AQP1: variants seen among roughly 807,000 people sequenced by gnomAD.
AQP1 encodes aquaporin-1.
A neutral mutation model predicts 19.7 loss-of-function variants in AQP1; 11 were observed. That is an observed-to-expected ratio of 0.56 (90% CI 0.35 to 0.92). AQP1 has a LOEUF of 0.92. Among genes scored for constraint, AQP1 ranks in the 40% least tolerant of loss-of-function variants. AQP1 has a pLI of 0.01. For synonymous variants in AQP1, 159 were observed against 166.7 expected (o/e 0.95, Z 0.36); for missense variants, 320 against 369.7 (o/e 0.87, Z 1.10).
chr7:30,924,163 C>G lies in AQP1; in HGVS notation c.*534C>G, dbSNP rs1243314680. On this transcript the variant is annotated 3_prime_UTR_variant, in exon 4 of 4. Coordinates refer to ENST00000311813, the MANE Select transcript of AQP1 (RefSeq NM_198098.4). ...CTTGCTCCCAAGCCCCTGACCCGCT[C>G]GGACTTACTGCCTGACCTTGGAATC... 25 of 1,158,882 alleles carry G rather than the reference C, an allele frequency of 2.2e-5. No individual in the cohort carries two copies. The East Asian group carries it at 1.4e-3, about 65-fold the overall frequency. 71.8% of individuals were successfully genotyped at this position (1,158,882 alleles called of 1,614,324 possible).
At chr7:30,918,980 G>A (rs1271669542) in intron 1 of AQP1, among the ~76,000 whole-genome samples, 3 of 152,188 alleles carry the variant, frequency 2.0e-5, no homozygotes, top group Admixed American at 6.5e-5. Flanking sequence ...CTGAGCCATC[G>A]CACAGGCTGC....
chr7:30,922,741 G>A, intron 3 of AQP1, 97 bp downstream of exon 3: 1 of 1,266,462 alleles, frequency 7.9e-7, no homozygotes, highest in Admixed American at 1.7e-5. Context: ...GGAGGCTCTG[G>A]GAGACAGCCA....
intron 1 of AQP1, among the ~76,000 whole-genome samples, chr7:30,914,914 C>A (rs570818791): frequency 1.3e-5 from 2 of 152,250 alleles, no homozygotes; most frequent in Admixed American, 1.3e-4. Context: ...CTCCGTCCAG[C>A]CTGCAAGGTC....
chr7:30,914,371 C>G (rs944685156), intron 1 of AQP1, among the ~76,000 whole-genome samples: 5 of 152,198 alleles, frequency 3.3e-5, no homozygotes, highest in African/African-American at 1.2e-4. Flanking sequence ...ACAGCCACAC[C>G]CAGACAGCCA....
In AQP1 at chr7:30,922,621, A is replaced by G. The variant is rs1791550772; in HGVS notation, c.607A>G (p.Thr203Ala). The change falls in exon 3 of 4, where the codon ACA becomes GCA. Residue 203 changes from threonine (T) to alanine (A), a missense_variant. Thr to Ala is a moderately conservative substitution (Grantham distance 58, BLOSUM62 0). Coordinates refer to ENST00000311813, the MANE Select transcript of AQP1 (RefSeq NM_198098.4). ...PARSFGSAVI[T>A]HNFSNHWIFW... is the part of the protein sequence containing the mutation. Reference sequence around the variant, plus strand: ...TCGGTCCTTTGGCTCCGCGGTGATCACACACAACTTCAGCAACCACTGGGT... The same window carrying G: ...TCGGTCCTTTGGCTCCGCGGTGATCGCACACAACTTCAGCAACCACTGGGT... 1 of 1,614,058 alleles carries G rather than the reference A, an allele frequency of 6.2e-7. No homozygotes were observed. The highest frequency in any genetic ancestry group is 1.3e-5 in the African/African-American group (1 of 74,992).
In AQP1 at chr7:30,912,431, T is replaced by C; in HGVS notation, c.384+138T>C. The C allele has an allele frequency of 7.6e-7, 1 of 1,309,964 alleles. No homozygotes were observed. Among genetic ancestry groups the C allele is most frequent in the Non-Finnish European group, 1.0e-6 (1 of 967,122 alleles). 81.1% of individuals were successfully genotyped at this position (1,309,964 alleles called of 1,614,324 possible). A position where few individuals can be genotyped will look rare whatever the true frequency, so the allele number is the denominator to read the frequency against. On this transcript the variant is annotated intron_variant, in intron 1 of 3. Coordinates refer to ENST00000311813, the MANE Select transcript of AQP1 (RefSeq NM_198098.4). This position sits in a 1 kb window ranked among gnomAD's most constrained non-coding sequence, Gnocchi z 4.3. Reference sequence around the variant, plus strand: ...GGTTGCTGGAGGTCACGTAGAGAGCTGGGGGGAAGAGCTGGGGCTGGAACT... The same window carrying C: ...GGTTGCTGGAGGTCACGTAGAGAGCCGGGGGGAAGAGCTGGGGCTGGAACT...
chr7:30,915,386 G>A (rs1159768664), intron 1 of AQP1, among the ~76,000 whole-genome samples: 1 of 152,204 alleles, frequency 6.6e-6, no homozygotes, highest in Non-Finnish European at 1.5e-5. Context: ...GAACTTAAGG[G>A]GTGGGAGGGC....
rs1333547669 is a variant in AQP1 at position 30,911,951 on chromosome 7, G to T, written c.42G>T (p.Val14=). 4.3e-6 allele frequency: 7 copies of T among 1,613,358 alleles called. 1 individual carries two copies. In the Middle Eastern group the frequency reaches 6.6e-4, roughly 152 times the overall value. Residue 14 remains valine (V), a synonymous_variant, in exon 1 of 4, where the codon GTG becomes GTT. Coordinates refer to ENST00000311813, the MANE Select transcript of AQP1 (RefSeq NM_198098.4). ...AGAAGAAGCTCTTCTGGAGGGCAGTGGTGGCCGAGTTCCTGGCCACGACCC... is the reference window on the plus strand; with the variant it reads ...AGAAGAAGCTCTTCTGGAGGGCAGTTGTGGCCGAGTTCCTGGCCACGACCC... ...EFKKKLFWRA[V]VAEFLATTLF... is the part of the protein sequence containing the mutation.
intron 1 of AQP1, among the ~76,000 whole-genome samples, chr7:30,919,531 G>A (rs1791443626): frequency 2.0e-5 from 3 of 148,682 alleles, no homozygotes; most frequent in Non-Finnish European, 4.4e-5. Context: ...TGAGAATTGA[G>A]AATTGAGAAT....
Position 30,923,794 on chromosome 7 carries a change from CTCTT to C in AQP1, c.*173_*176del, listed in dbSNP as rs755861040. 14 of 1,509,376 alleles carry C rather than the reference CTCTT, an allele frequency of 9.3e-6. No homozygotes were observed. The highest frequency in any genetic ancestry group is 2.5e-5 in the East Asian group (1 of 40,404). 93.5% of individuals were successfully genotyped at this position (1,509,376 alleles called of 1,614,324 possible). A position where few individuals can be genotyped will look rare whatever the true frequency, so the allele number is the denominator to read the frequency against. On this transcript the variant is annotated 3_prime_UTR_variant, in exon 4 of 4. Coordinates refer to ENST00000311813, the MANE Select transcript of AQP1 (RefSeq NM_198098.4). The surrounding 1 kb of genome is among the most constrained non-coding windows in gnomAD (Gnocchi z 4.8). ...AAGCCTCTTATGGGGGTGTTTCTATCTCTTTCTTTCTCTTTCTGTTTCCTGGCCT... is the reference window on the plus strand; with the variant it reads ...AAGCCTCTTATGGGGGTGTTTCTATCTCTTTCTCTTTCTGTTTCCTGGCCT...
chr7:30,918,001 AT>A (rs1405829768), intron 1 of AQP1, among the ~76,000 whole-genome samples: 30 of 143,884 alleles, frequency 2.1e-4, no homozygotes, highest in East Asian at 4.0e-4. Context: ...ATAGATTTTT[AT>A]TTTTTTTTTT....
Position 30,913,809 on chromosome 7 carries a change from A to G in AQP1, c.384+1516A>G, listed in dbSNP as rs537515744. ...GTTTAGACGTGGCCGCGGGGGATGT[A>G]CGGGACAGAGCTCAGGCAGGCCACA... On this transcript the variant is annotated intron_variant, in intron 1 of 3. Coordinates refer to ENST00000311813, the MANE Select transcript of AQP1 (RefSeq NM_198098.4). Among the ~76,000 whole-genome samples, 123 of 151,616 alleles carry G rather than the reference A, an allele frequency of 8.1e-4. 4 individuals carry two copies. In the South Asian group the frequency reaches 0.023, roughly 29 times the overall value.
Position 30,912,196 on chromosome 7 carries a change from T to C in AQP1, c.287T>C (p.Met96Thr), listed in dbSNP as rs759042117. ...CAGATCAGCATCTTCCGTGCCCTCA[T>C]GTACATCATCGCCCAGTGCGTGGGG... The part of the protein sequence containing the change: ...SCQISIFRAL[M>T]YIIAQCVGAI... The change falls in exon 1 of 4, where the codon ATG becomes ACG. Residue 96 changes from methionine (M) to threonine (T), a missense_variant. Met to Thr is a moderately conservative substitution (Grantham distance 81). Coordinates refer to ENST00000311813, the MANE Select transcript of AQP1 (RefSeq NM_198098.4). This position sits in a 1 kb window ranked among gnomAD's most constrained non-coding sequence, Gnocchi z 4.3. 8.7e-6 allele frequency: 14 copies of C among 1,612,334 alleles called. No individual in the cohort carries two copies. The highest frequency in any genetic ancestry group is 1.2e-5 in the Non-Finnish European group (14 of 1,180,028).
At chr7:30,921,599 T>C in intron 1 of AQP1, 1 of 1,550,026 alleles carries the variant, frequency 6.5e-7, no homozygotes, top group Non-Finnish European at 8.7e-7. Flanking sequence ...CAGTCGGGCA[T>C]GGGGTGGAAT....
chr7:30,915,267 C>T (rs1205788700), intron 1 of AQP1, among the ~76,000 whole-genome samples: 6 of 152,148 alleles, frequency 3.9e-5, no homozygotes, highest in African/African-American at 1.2e-4. Context: ...GGCTCCCTCC[C>T]GAGAGAAGCC....
chr7:30,919,128 C>G (rs186266523), intron 1 of AQP1, among the ~76,000 whole-genome samples: 320 of 152,332 alleles, frequency 2.1e-3, no homozygotes, highest in Non-Finnish European at 3.5e-3. Context: ...AATTAGCATT[C>G]TCTGCCACTT....
In AQP1 at chr7:30,922,490, C is replaced by T. The variant is rs181520154; in HGVS notation, c.550-74C>T. On this transcript the variant is annotated intron_variant, in intron 2 of 3. Coordinates refer to ENST00000311813, the MANE Select transcript of AQP1 (RefSeq NM_198098.4). ...TGATTGTTCTCTTTCTCCCTCCAAC[C>T]TCTCCCTCCTCTCACTCTCTCTTCA... 644 of 1,451,822 alleles carry T rather than the reference C, an allele frequency of 4.4e-4. 2 individuals are homozygous for T. In the African/African-American group the frequency reaches 7.9e-3, roughly 18 times the overall value. The allele number at this position is 1,451,822 out of a possible 1,614,324, so 89.9% of individuals were successfully genotyped here.
At chr7:30,914,503 G>C (rs1468471877) in intron 1 of AQP1, among the ~76,000 whole-genome samples, 2 of 152,202 alleles carry the variant, frequency 1.3e-5, no homozygotes, top group Non-Finnish European at 2.9e-5. Context: ...GCGCTGTCCT[G>C]TCCCAACAGT....
At chr7:30,915,855 C>T (rs1791334693) in intron 1 of AQP1, among the ~76,000 whole-genome samples, 1 of 152,176 alleles carries the variant, frequency 6.6e-6, no homozygotes, top group Admixed American at 6.5e-5. Context: ...GGGGGTGCTG[C>T]TGCCTCCTCC....
Sources: allele counts gnomAD v4.1 joint callset (sites outside exome capture counted in the v4.1 genomes callset), GRCh38; gene constraint gnomAD v4.1.1; non-coding constraint Gnocchi (gnomAD v3.1); transcripts MANE v1.5; gene names NCBI Gene and HGNC (gene_info 2026-07-23, HGNC 2026-07-21).